Variants in TTLL4 observed in about 807,000 individuals in gnomAD.
TTLL4 encodes the protein tubulin monoglutamylase TTLL4.
In TTLL4, 85 loss-of-function variants were observed where a neutral mutation model predicts 122.7. That is an observed-to-expected ratio of 0.69 (90% confidence interval 0.58 to 0.83). The LOEUF (loss-of-function observed/expected upper bound fraction) is 0.83. TTLL4 is among the 40% of genes least tolerant of loss of function. The pLI is 0.00. For missense variants in TTLL4, 1,363 were observed against 1,488.6 expected (o/e 0.92, Z 1.39); for synonymous variants, 553 against 563.0 (o/e 0.98, Z 0.25).
Position 218,750,050 on chromosome 2 carries a change from A to G in TTLL4, c.2777A>G (p.Gln926Arg), listed in dbSNP as rs554755238. The stretch of plus-strand genomic sequence containing the variant: ...CCACTGGATATCAGCATCAAAGGCC[A>G]GATGATTCGTGACCTTCTGAATCTG... ...SSPLDISIKG[Q>R]MIRDLLNLAG... The change falls in exon 15 of 20, where the codon CAG becomes CGG. Residue 926 changes from glutamine to arginine, a missense_variant. Gln to Arg is a conservative substitution (Grantham distance 43). Around this residue, in one of 3 missense-constraint regions of TTLL4, gnomAD observed 596 missense variants for 655.8 expected, o/e 0.91. Coordinates refer to ENST00000392102, the MANE Select transcript of TTLL4 (RefSeq NM_014640.5). 1.9e-5 allele frequency: 30 copies of G among 1,614,152 alleles called. No individual in the cohort carries two copies. The South Asian group carries it at 3.3e-4, about 18-fold the overall frequency.
At position 218,752,849 on chromosome 2, in the gene TTLL4, T is replaced by C; in HGVS notation, c.3063T>C (p.Gly1021=). 1 of 1,614,174 alleles carries C rather than the reference T, an allele frequency of 6.2e-7. No homozygotes were observed. Among genetic ancestry groups the C allele is most frequent in the Non-Finnish European group, 8.5e-7 (1 of 1,180,038 alleles). ...VEMEDEFSRR[G]QFERIFPSHI... is the part of the protein sequence containing the mutation. Reference sequence around the variant, plus strand: ...TGGAAGATGAGTTTTCTCGCCGTGGTCAGTTTGAACGAATTTTTCCTTCTC... The same window carrying C: ...TGGAAGATGAGTTTTCTCGCCGTGGCCAGTTTGAACGAATTTTTCCTTCTC... The change falls in exon 17 of 20, where the codon GGT becomes GGC. Residue 1021 remains glycine (G), a synonymous_variant. Transcript: ENST00000392102.
At chr2:218,745,004 C>G in intron 5 of TTLL4, 105 bp from the exon 6 acceptor site, 1 of 1,471,786 alleles carries the variant, frequency 6.8e-7, no homozygotes, top group Non-Finnish European at 9.2e-7. Context: ...TTTAGAATCA[C>G]AAGTTAAAAG....
rs1172659757 is a variant in TTLL4 at position 218,730,346 on chromosome 2, A to G, written c.-99+2999A>G. Among the ~76,000 whole-genome samples, 872 of 127,242 alleles carry G rather than the reference A, an allele frequency of 6.9e-3. 18 individuals carry two copies. Among genetic ancestry groups the G allele is most frequent in the African/African-American group, 0.025 (795 of 32,282 alleles). The allele number at this position is 127,242 out of a possible 152,430, so 83.5% of individuals were successfully genotyped here. A position where few individuals can be genotyped will look rare whatever the true frequency, so the allele number is the denominator to read the frequency against. ...AAAAAAAAAAAAAAAAAAAAAAAAA[A>G]AAAGAAAAAAAATTAGCTGGGTGTG... is the stretch of plus-strand genomic sequence containing the variant. On this transcript the variant is annotated intron_variant, in intron 2 of 19. Transcript: ENST00000392102.
At chr2:218,758,480 TG>T (rs1943190423), downstream of TTLL4, among the ~76,000 whole-genome samples, 1 of 152,162 alleles carries the variant, frequency 6.6e-6, no homozygotes, top group Admixed American at 6.5e-5. Flanking sequence ...CACTATAACA[TG>T]CAATAGTGTT....
chr2:218,720,666 T>A (rs1402298053), intron 1 of TTLL4, among the ~76,000 whole-genome samples: 1 of 142,834 alleles, frequency 7.0e-6, no homozygotes, highest in Non-Finnish European at 1.5e-5. Context: ...ACAGTGAGAC[T>A]CCGGTCTCAA....
chr2:218,747,915 G>A lies in TTLL4; in HGVS notation c.2378+190G>A. On this transcript the variant is annotated intron_variant, in intron 11 of 19. Coordinates refer to ENST00000392102, the MANE Select transcript of TTLL4 (RefSeq NM_014640.5). The surrounding 1 kb of genome is among the most constrained non-coding windows in gnomAD (Gnocchi z 4.7). Reference sequence around the variant, plus strand: ...GTCTTCCTGCATGCGGGACTGAGGTGGGATAAAGGAGATGAGTTTAGCTGT... The same window carrying A: ...GTCTTCCTGCATGCGGGACTGAGGTAGGATAAAGGAGATGAGTTTAGCTGT... 1 of 1,105,820 alleles carries A rather than the reference G, an allele frequency of 9.0e-7. No individual in the cohort carries two copies. The highest frequency in any genetic ancestry group is 1.3e-6 in the Non-Finnish European group (1 of 778,376). The allele number at this position is 1,105,820 out of a possible 1,614,324, so 68.5% of individuals were successfully genotyped here.
rs191038371 is a variant in TTLL4 at position 218,753,659 on chromosome 2, A to G, written c.3334A>G (p.Ser1112Gly). ...CAATGCCTTCAGCAAATCAGAGACT[A>G]GCAAGCTGGGGTGAGTGCTGCCTGG... ...ILNAFSKSET[S>G]KLGKQSSCEV... Residue 1112 changes from serine (S) to glycine (G), a missense_variant, in exon 19 of 20, where the codon AGC becomes GGC. Around this residue, in one of 3 missense-constraint regions of TTLL4, gnomAD observed 596 missense variants for 655.8 expected, o/e 0.91. Transcript: ENST00000392102. 1.0e-3 allele frequency: 1,651 copies of G among 1,614,112 alleles called. 44 individuals carry two copies. The Admixed American group carries it at 0.027, about 26-fold the overall frequency.
intron 1 of TTLL4, among the ~76,000 whole-genome samples, chr2:218,711,633 G>A (rs896088465): frequency 3.9e-5 from 6 of 152,302 alleles, no homozygotes; most frequent in African/African-American, 1.4e-4. Context: ...AGGGGATAGA[G>A]TGGCTAATAG....
intron 2 of TTLL4, among the ~76,000 whole-genome samples, chr2:218,735,160 G>A (rs893034535): frequency 2.2e-4 from 33 of 152,148 alleles, no homozygotes; most frequent in Non-Finnish European, 1.0e-4. Context: ...GTATTCATTC[G>A]TGGCTGTAGA....
Position 218,750,132 on chromosome 2 carries a change from C to T in TTLL4, c.2859C>T (p.Ser953=), listed in dbSNP as rs1282126224. 2 of 1,613,830 alleles carry T rather than the reference C, an allele frequency of 1.2e-6. No individual in the cohort carries two copies. Among genetic ancestry groups the T allele is most frequent in the East Asian group, 2.2e-5 (1 of 44,880 alleles). Residue 953 remains serine, a synonymous_variant, in exon 15 of 20, where the codon AGC becomes AGT. Transcript: ENST00000392102. ...TCATTTCCAGCCCCAGCAGCTGCAGCAGCTCCACCACCAGGTGAGGCCCCT... is the reference window on the plus strand; with the variant it reads ...TCATTTCCAGCCCCAGCAGCTGCAGTAGCTCCACCACCAGGTGAGGCCCCT... The part of the protein sequence containing the change: ...EDIISSPSSC[S]SSTTSLPTSP...
chr2:218,731,730 C>T (rs77048922), intron 2 of TTLL4, among the ~76,000 whole-genome samples: 1,820 of 152,308 alleles, frequency 0.012, 47 homozygotes, highest in African/African-American at 0.042. Context: ...TTGTCTTTCC[C>T]TGAACATTCC....
At chr2:218,716,043 C>T (rs2106386259) in intron 1 of TTLL4, among the ~76,000 whole-genome samples, 1 of 152,256 alleles carries the variant, frequency 6.6e-6, no homozygotes, top group East Asian at 1.9e-4. Flanking sequence ...TGCAGATCTC[C>T]CACGTGTCAC....
chr2:218,751,810 G>C lies in TTLL4; in HGVS notation c.2976+4G>C. Reference sequence around the variant, plus strand: ...GACCCAGAAAATTCCTGATCAGGTAGGAGATTGGTCTTCCCCCCAGTGCTA... The same window carrying C: ...GACCCAGAAAATTCCTGATCAGGTACGAGATTGGTCTTCCCCCCAGTGCTA... On this transcript the variant is annotated splice_donor_region_variant and intron_variant, in intron 16 of 19. Coordinates refer to ENST00000392102, the MANE Select transcript of TTLL4 (RefSeq NM_014640.5). 1 of 1,609,436 alleles carries C rather than the reference G, an allele frequency of 6.2e-7. No homozygotes were observed. Among genetic ancestry groups the C allele is most frequent in the Non-Finnish European group, 8.5e-7 (1 of 1,177,386 alleles).
chr2:218,753,613 C>T lies in TTLL4; in HGVS notation c.3288C>T (p.Ile1096=), dbSNP rs1435037039. Residue 1096 remains isoleucine (I), a synonymous_variant, in exon 19 of 20, where the codon ATC becomes ATT. Transcript: ENST00000392102. ...CTCTCCCGACATCACTTCTGACTAT[C>T]TCAAAGGATGACGTGATACTCAATG... The part of the protein sequence containing the change: ...VWSLPTSLLT[I]SKDDVILNAF... 1 of 1,614,182 alleles carries T rather than the reference C, an allele frequency of 6.2e-7. No homozygotes were observed. Among genetic ancestry groups the T allele is most frequent in the Admixed American group, 1.7e-5 (1 of 60,030 alleles).
At chr2:218,759,247 A>C (rs1943199721), downstream of TTLL4, among the ~76,000 whole-genome samples, 1 of 150,298 alleles carries the variant, frequency 6.7e-6, no homozygotes, top group South Asian at 2.1e-4. Flanking sequence ...CTCCGTCTCA[A>C]TAAATAAATA....
chr2:218,745,018 G>C, intron 5 of TTLL4, 91 bp from the exon 6 acceptor site: 2 of 1,518,330 alleles, frequency 1.3e-6, no homozygotes, highest in Non-Finnish European at 1.8e-6. Flanking sequence ...TTAAAAGACA[G>C]CACTTGGAAA....
chr2:218,730,338 A>AAAAAG (rs1942340167), intron 2 of TTLL4, among the ~76,000 whole-genome samples: 1 of 144,970 alleles, frequency 6.9e-6, no homozygotes, highest in African/African-American at 2.5e-5. Flanking sequence ...AAAAAAAAAA[A>AAAAAG]AAAAAAAAAA....
At chr2:218,744,383 GAT>G (rs1163710536) in intron 5 of TTLL4, among the ~76,000 whole-genome samples, 1 of 152,188 alleles carries the variant, frequency 6.6e-6, no homozygotes, top group Non-Finnish European at 1.5e-5. Flanking sequence ...ACAGGTAGTT[GAT>G]ATGTTTGCTA....
intron 1 of TTLL4, among the ~76,000 whole-genome samples, chr2:218,713,919 A>G (rs1378428761): frequency 6.6e-6 from 1 of 152,162 alleles, no homozygotes; most frequent in African/African-American, 2.4e-5. Context: ...GAGGTAGAAG[A>G]ATGGGACAAG....
Sources: gnomAD v4.1 joint callset for allele counts (sites outside exome capture counted in the v4.1 genomes callset) on GRCh38, gnomAD v4.1.1 for gene constraint, gnomAD v4.1.1 regional missense constraint, Gnocchi (gnomAD v3.1) non-coding constraint, MANE v1.5 for transcripts, NCBI Gene and HGNC (gene_info 2026-07-23, HGNC 2026-07-21) for gene names.